The following ARRB1 variants were observed in gnomAD, a reference collection of about 807,000 sequenced individuals.
ARRB1 encodes beta-arrestin-1.
A neutral mutation model predicts 56.8 loss-of-function variants in ARRB1; 21 were observed. The ratio of observed to expected loss-of-function variants is 0.37; its 90% CI spans 0.26 to 0.53. The LOEUF (loss-of-function observed/expected upper bound fraction) is 0.53. Among genes scored for constraint, ARRB1 ranks in the 20% least tolerant of loss-of-function variants. The pLI is 0.88. For synonymous variants in ARRB1, 210 were observed against 218.6 expected, an observed-to-expected ratio of 0.96 and a Z score of 0.35; for missense variants, 424 against 553.7, an observed-to-expected ratio of 0.77 and a Z score of 2.35.
At position 75,281,103 on chromosome 11, in the gene ARRB1, C is replaced by T; in HGVS notation, c.454G>A (p.Glu152Lys). ...TTGTGGATCTTCTCCTCCAAATTCT[C>T]CGCGCAGAAGGCTTTGACTTCATAG... is the stretch of plus-strand genomic sequence containing the variant. Reference protein sequence around the residue: ...VDYEVKAFCAENLEEKIHKRN... With the variant: ...VDYEVKAFCAKNLEEKIHKRN... The change falls in exon 7 of 16, where the codon GAG (glutamate) becomes AAG (lysine). Residue 152 changes from glutamate to lysine, a missense_variant. Around this residue, in one of 3 missense-constraint regions of ARRB1, gnomAD observed 301 missense variants for 387.9 expected, o/e 0.78. Transcript: ENST00000420843. 6.2e-7 allele frequency: 1 copy of T among 1,603,600 alleles called. No homozygotes were observed. Among genetic ancestry groups the T allele is most frequent in the Non-Finnish European group, 8.5e-7 (1 of 1,174,866 alleles).
At chr11:75,312,097 C>A (rs750345861) in intron 1 of ARRB1, 2 of 1,289,472 alleles carry the variant, frequency 1.6e-6, no homozygotes, top group Admixed American at 4.6e-5. Flanking sequence ...CTTCCATGGC[C>A]TCTCCTCTCC....
At chr11:75,283,246 G>C (rs1946389592) in intron 5 of ARRB1, 41 bp downstream of exon 5, 3 of 1,557,516 alleles carry the variant, frequency 1.9e-6, no homozygotes, top group Non-Finnish European at 2.6e-6. Context: ...TCCTAGAGGT[G>C]GCATTTCTGG....
chr11:75,340,361 C>T (rs1393839125), intron 1 of ARRB1, among the ~76,000 whole-genome samples: 1 of 152,242 alleles, frequency 6.6e-6, no homozygotes, highest in African/African-American at 2.4e-5. Context: ...GGCGGCACTA[C>T]CACTATCCAA....
At chr11:75,273,948 C>T (rs528168568) in intron 11 of ARRB1, 126 bp downstream of exon 11, 1 of 1,435,922 alleles carries the variant, frequency 7.0e-7, no homozygotes, top group East Asian at 2.3e-5. Context: ...CACCTGAGGA[C>T]AGGCCCTGAC....
intron 3 of ARRB1, among the ~76,000 whole-genome samples, chr11:75,285,000 T>C (rs1216592852): frequency 6.6e-6 from 1 of 152,220 alleles, no homozygotes; most frequent in African/African-American, 2.4e-5. Flanking sequence ...TTAAAGCCAT[T>C]AATACCTCTG....
At chr11:75,275,162 T>TTTTATTTTC (rs1946173408) in intron 10 of ARRB1, among the ~76,000 whole-genome samples, 1 of 11,828 alleles carries the variant, frequency 8.5e-5, no homozygotes, top group Non-Finnish European at 2.0e-4. Context: ...ATTTTATTTT[T>TTTTATTTTC]TTGAGACAGA....
At chr11:75,276,132 G>C (rs1334020808) in intron 10 of ARRB1, among the ~76,000 whole-genome samples, 1 of 152,006 alleles carries the variant, frequency 6.6e-6, no homozygotes, top group Admixed American at 6.6e-5. Context: ...AATACTGATT[G>C]GAATTATACA....
intron 1 of ARRB1, among the ~76,000 whole-genome samples, chr11:75,315,666 C>T (rs1039291818): frequency 2.6e-5 from 4 of 152,244 alleles, no homozygotes; most frequent in East Asian, 1.9e-4. Flanking sequence ...TAGGAATAAA[C>T]GGACACAGGT....
chr11:75,286,253 A>ATTTTT (rs1312918523), intron 3 of ARRB1, among the ~76,000 whole-genome samples: 2 of 92,846 alleles, frequency 2.2e-5, no homozygotes, highest in African/African-American at 9.0e-5. Flanking sequence ...TGATTTGCTC[A>ATTTTT]TCTTTTTTTT....
intron 1 of ARRB1, among the ~76,000 whole-genome samples, chr11:75,314,486 G>A (rs1175666307): frequency 1.3e-5 from 2 of 152,230 alleles, no homozygotes; most frequent in East Asian, 3.9e-4. Context: ...CAGAAGGGCA[G>A]GACTTGCTGC....
At chr11:75,321,008 A>G (rs1460899093) in intron 1 of ARRB1, among the ~76,000 whole-genome samples, 5 of 152,160 alleles carry the variant, frequency 3.3e-5, no homozygotes, top group Admixed American at 2.6e-4. Flanking sequence ...ACACGTGCAC[A>G]GACACACACA....
chr11:75,300,061 C>T (rs753368108), intron 1 of ARRB1, among the ~76,000 whole-genome samples: 5 of 151,600 alleles, frequency 3.3e-5, no homozygotes, highest in Non-Finnish European at 2.9e-5. Context: ...AAAAATTAGC[C>T]GGGTGTGGTG....
chr11:75,300,684 G>GCTAGGCATGGTCGT (rs1946878836), intron 1 of ARRB1, among the ~76,000 whole-genome samples: 5 of 151,486 alleles, frequency 3.3e-5, no homozygotes, highest in African/African-American at 1.2e-4. Flanking sequence ...ACAAAAATTA[G>GCTAGGCATGGTCGT]GGCCGGGCGC....
intron 4 of ARRB1, 119 bp downstream of exon 4, chr11:75,284,116 A>G (rs2140427991): frequency 9.7e-7 from 1 of 1,033,856 alleles, no homozygotes; most frequent in South Asian, 1.8e-5. Flanking sequence ...GCATCTGTAG[A>G]GGTATTTGTT....
chr11:75,282,122 C>T, intron 5 of ARRB1, 101 bp from the exon 6 acceptor site: 2 of 1,254,478 alleles, frequency 1.6e-6, no homozygotes, highest in Non-Finnish European at 2.3e-6. Flanking sequence ...AGACCAAGGG[C>T]CCCAGGGGAC....
At chr11:75,283,061 G>C (rs529828419) in intron 5 of ARRB1, among the ~76,000 whole-genome samples, 1 of 152,220 alleles carries the variant, frequency 6.6e-6, no homozygotes, top group Admixed American at 6.5e-5. Flanking sequence ...CCTGGCCTCA[G>C]AAGGGTCTGA....
At chr11:75,348,332 A>G (rs1012166825) in intron 1 of ARRB1, among the ~76,000 whole-genome samples, 2 of 152,130 alleles carry the variant, frequency 1.3e-5, no homozygotes, top group African/African-American at 4.8e-5. Context: ...CCTTTCCAGG[A>G]GAGCTTCCTG....
At chr11:75,274,413 C>G (rs995199112) in intron 10 of ARRB1, 3 of 594,924 alleles carry the variant, frequency 5.0e-6, no homozygotes, top group Admixed American at 3.0e-5. Context: ...CATCTACATT[C>G]TACGCACAAA....
chr11:75,301,562 T>C (rs1281990877), intron 1 of ARRB1, among the ~76,000 whole-genome samples: 1 of 152,106 alleles, frequency 6.6e-6, no homozygotes, highest in East Asian at 1.9e-4. Flanking sequence ...ATCCCATACG[T>C]TCCCCCATCC....
Sources: gnomAD v4.1 joint callset for allele counts (sites outside exome capture counted in the v4.1 genomes callset) on GRCh38, gnomAD v4.1.1 for gene constraint, gnomAD v4.1.1 regional missense constraint, MANE v1.5 for transcripts, NCBI Gene and HGNC (gene_info 2026-07-23, HGNC 2026-07-21) for gene names.